FTO: variants seen among roughly 807,000 people sequenced by gnomAD.
FTO encodes the protein alpha-ketoglutarate-dependent dioxygenase FTO.
In FTO, 47 loss-of-function variants were observed where a neutral mutation model predicts 63.9. The observed-to-expected ratio is 0.74, with a 90% CI of 0.58 to 0.94. The LOEUF is 0.94. FTO is among the 40% of genes least tolerant of loss of function. The pLI is 0.00. For synonymous variants in FTO, 207 were observed against 224.4 expected (o/e 0.92, Z 0.69); for missense variants, 562 against 618.1 (o/e 0.91, Z 0.96).
chr16:53,987,065 T>C (rs1478180421), intron 8 of FTO, among the ~76,000 whole-genome samples: 2 of 152,162 alleles, frequency 1.3e-5, no homozygotes, highest in East Asian at 1.9e-4. Flanking sequence ...CCATATTTTC[T>C]TTTTGGCAAG....
In FTO at chr16:53,879,851, C is replaced by G; in HGVS notation, c.983C>G (p.Thr328Arg). Reference protein sequence around the residue: ...SSTHRVAECSTGTLDYILQRC... With the variant: ...SSTHRVAECSRGTLDYILQRC... ...CTGGTTCTGTCTCAACAGTGCTCAA[C>G]AGGAACCTTGGATTATATTTTACAA... Residue 328 changes from threonine to arginine, a missense_variant, in exon 6 of 9, where the codon ACA (threonine) becomes AGA (arginine). Transcript: ENST00000471389. 1 of 1,613,950 alleles carries G rather than the reference C, an allele frequency of 6.2e-7. No homozygotes were observed. Among genetic ancestry groups the G allele is most frequent in the South Asian group, 1.1e-5 (1 of 91,080 alleles).
chr16:53,780,430 G>C (rs2077559656), intron 1 of FTO, among the ~76,000 whole-genome samples: 1 of 152,112 alleles, frequency 6.6e-6, no homozygotes, highest in Non-Finnish European at 1.5e-5. Context: ...CGCATCACTA[G>C]ATTTTACTTT....
intron 8 of FTO, among the ~76,000 whole-genome samples, chr16:53,944,663 C>G (rs2082615412): frequency 6.6e-6 from 1 of 152,186 alleles, no homozygotes; most frequent in Non-Finnish European, 1.5e-5. Flanking sequence ...TACTTAACCC[C>G]TCTGAGCCTC....
intron 1 of FTO, among the ~76,000 whole-genome samples, chr16:53,742,533 ATAT>A (rs1466365172): frequency 2.0e-5 from 3 of 152,214 alleles, no homozygotes; most frequent in African/African-American, 7.2e-5. Flanking sequence ...CTGGCTTATA[ATAT>A]TCACTCAGTT....
chr16:53,938,759 TG>T (rs2082450543), intron 8 of FTO, among the ~76,000 whole-genome samples: 1 of 152,190 alleles, frequency 6.6e-6, no homozygotes, highest in East Asian at 1.9e-4. Flanking sequence ...AAGTATTTAA[TG>T]GTAGATGTCT....
At chr16:54,053,775 C>T (rs1042863079) in intron 8 of FTO, among the ~76,000 whole-genome samples, 7 of 152,110 alleles carry the variant, frequency 4.6e-5, no homozygotes, top group Admixed American at 3.3e-4. Flanking sequence ...CCCCTGCCTT[C>T]GAGAAACAGT....
At chr16:53,929,821 G>C (rs184107609) in intron 7 of FTO, among the ~76,000 whole-genome samples, 1 of 152,190 alleles carries the variant, frequency 6.6e-6, no homozygotes, top group African/African-American at 2.4e-5. Flanking sequence ...TTCCAGTTTT[G>C]TTTGTTGTAT....
chr16:53,994,923 C>T (rs771131751), intron 8 of FTO, among the ~76,000 whole-genome samples: 10 of 151,598 alleles, frequency 6.6e-5, no homozygotes, highest in African/African-American at 1.5e-4. Flanking sequence ...TTGGTAGAGA[C>T]GGGTTTCACC....
At chr16:54,032,084 A>G (rs1365821466) in intron 8 of FTO, among the ~76,000 whole-genome samples, 1 of 152,206 alleles carries the variant, frequency 6.6e-6, no homozygotes, top group Non-Finnish European at 1.5e-5. Context: ...CAGTGACATG[A>G]TGCTGGTGAT....
intron 3 of FTO, among the ~76,000 whole-genome samples, chr16:53,841,593 A>C (rs887133914): frequency 6.6e-6 from 1 of 152,208 alleles, no homozygotes; most frequent in Non-Finnish European, 1.5e-5. Context: ...CACCATGCCT[A>C]GTGCAAATTA....
At chr16:54,109,430 A>G (rs528611448) in intron 8 of FTO, among the ~76,000 whole-genome samples, 2 of 152,294 alleles carry the variant, frequency 1.3e-5, no homozygotes, top group African/African-American at 4.8e-5. Context: ...TCCTGGGTCC[A>G]AGTGATTCTC....
intron 8 of FTO, chr16:54,070,892 A>G (rs1451598958): frequency 1.3e-5 from 2 of 152,250 alleles, no homozygotes; most frequent in African/African-American, 2.4e-5. Context: ...GAATTGTACA[A>G]CAACTAATTC....
intron 7 of FTO, among the ~76,000 whole-genome samples, chr16:53,890,356 A>C (rs1194119682): frequency 1.3e-5 from 2 of 152,204 alleles, no homozygotes; most frequent in Non-Finnish European, 2.9e-5. Flanking sequence ...CCATCACAGC[A>C]GTCTATGCCA....
chr16:54,005,010 C>G (rs1212152180), intron 8 of FTO, among the ~76,000 whole-genome samples: 2 of 145,626 alleles, frequency 1.4e-5, no homozygotes, highest in East Asian at 2.0e-4. Context: ...GCAGAGCTCA[C>G]AGTGAGCCGA....
At chr16:54,105,971 A>G (rs1393884706) in intron 8 of FTO, among the ~76,000 whole-genome samples, 2 of 152,190 alleles carry the variant, frequency 1.3e-5, no homozygotes, top group East Asian at 1.9e-4. Context: ...CTTAAAATCA[A>G]TGGCCAGCAC....
At chr16:54,038,772 T>C (rs1311813028) in intron 8 of FTO, among the ~76,000 whole-genome samples, 2 of 152,212 alleles carry the variant, frequency 1.3e-5, no homozygotes. Context: ...CCTTCTGCCA[T>C]AAGTAAAAGC....
At chr16:53,907,078 C>T (rs1001310640) in intron 7 of FTO, among the ~76,000 whole-genome samples, 2 of 152,228 alleles carry the variant, frequency 1.3e-5, no homozygotes. Flanking sequence ...ATACTCCTCT[C>T]TGTGTAAACT....
Position 53,789,953 on chromosome 16 carries a change from A to C in FTO, c.46-20187A>C, listed in dbSNP as rs188203066. On this transcript the variant is annotated intron_variant, in intron 1 of 8. Coordinates refer to ENST00000471389, the MANE Select transcript of FTO (RefSeq NM_001080432.3). ...GTATATACACAAAAATTATAACACAAATTATATATACATATATTTTGTACA... is the reference window on the plus strand; with the variant it reads ...GTATATACACAAAAATTATAACACACATTATATATACATATATTTTGTACA... Among the ~76,000 whole-genome samples the C allele has an allele frequency of 6.3e-3, 935 of 148,816 alleles. 9 individuals carry two copies. The highest frequency in any genetic ancestry group is 0.022 in the African/African-American group (905 of 40,952).
intron 8 of FTO, among the ~76,000 whole-genome samples, chr16:53,954,855 C>T (rs559933191): frequency 4.6e-5 from 7 of 151,782 alleles, no homozygotes; most frequent in Admixed American, 1.3e-4. Context: ...TCTGAGAAAA[C>T]GTGGCCAAGC....
Sources: allele counts gnomAD v4.1 joint callset (sites outside exome capture counted in the v4.1 genomes callset), GRCh38; gene constraint gnomAD v4.1.1; transcripts MANE v1.5; gene names NCBI Gene and HGNC (gene_info 2026-07-23, HGNC 2026-07-21).